The following GAN variants were observed in gnomAD, a reference collection of about 807,000 sequenced individuals.
The protein encoded by GAN is epididymis secretory sperm binding protein.
In GAN, 48 loss-of-function variants were observed where a neutral mutation model predicts 71.3. The ratio of observed to expected loss-of-function variants is 0.67; its 90% CI spans 0.53 to 0.86. The LOEUF is 0.86. Among genes scored for constraint, GAN ranks in the 40% least tolerant of loss-of-function variants. The pLI is 0.00. For missense variants in GAN, 928 were observed against 770.1 expected (o/e 1.21, Z -2.43); for synonymous variants, 386 against 276.8 (o/e 1.39, Z -3.92).
In GAN at chr16:81,357,001, G is replaced by C. The variant is rs1225795869; in HGVS notation, c.850G>C (p.Val284Leu). Residue 284 changes from valine (V) to leucine (L), a missense_variant and splice_region_variant, in exon 4 of 11, where the codon GTT becomes CTT. Physicochemically the swap from Val to Leu is conservative, Grantham distance 32. Transcript: ENST00000648994. Reference protein sequence around the residue: ...CIVTVGGEERVSRKPTAAMRC... With the variant: ...CIVTVGGEERLSRKPTAAMRC... ...CGTGACTGTTGGTGGAGAAGAGAGA[G>C]TGTAAGTATGAGGTGGGACTTGTTT... 1.1e-5 allele frequency: 18 copies of C among 1,580,700 alleles called. No individual in the cohort carries two copies. Among genetic ancestry groups the C allele is most frequent in the Non-Finnish European group, 1.6e-5 (18 of 1,150,800 alleles).
At chr16:81,347,569 G>C (rs543236035) in intron 1 of GAN, among the ~76,000 whole-genome samples, 1 of 151,968 alleles carries the variant, frequency 6.6e-6, no homozygotes, top group African/African-American at 2.4e-5. Context: ...ACACCATCCC[G>C]AGAAAGGTTG....
intron 1 of GAN, among the ~76,000 whole-genome samples, chr16:81,316,964 T>G (rs1909064654): frequency 6.6e-6 from 1 of 152,180 alleles, no homozygotes. Context: ...TTTCAAGCGA[T>G]TCTCCTGCCT....
rs1406451022 is a variant in GAN, at chr16:81,379,888, C to G, written c.*2292C>G. On this transcript the variant is annotated 3_prime_UTR_variant, in exon 11 of 11. Transcript: ENST00000648994. ...TGCAATATTATCAGTACCTGCATGACTTGGTAAATTCATTTTATAAAAATA... is the reference window on the plus strand; with the variant it reads ...TGCAATATTATCAGTACCTGCATGAGTTGGTAAATTCATTTTATAAAAATA... 1.3e-5 allele frequency: 2 copies of G among 151,752 alleles called. No individual in the cohort carries two copies. Among genetic ancestry groups the G allele is most frequent in the Non-Finnish European group, 2.9e-5 (2 of 67,936 alleles). The allele number at this position is 151,752 out of a possible 1,614,324, so 9.4% of individuals were successfully genotyped here.
At chr16:81,320,181 A>T (rs775115654) in intron 1 of GAN, among the ~76,000 whole-genome samples, 1 of 152,224 alleles carries the variant, frequency 6.6e-6, no homozygotes, top group African/African-American at 2.4e-5. Flanking sequence ...GATGATACTG[A>T]TGAAACTACT....
At chr16:81,361,127 A>G (rs1910659397) in intron 5 of GAN, among the ~76,000 whole-genome samples, 3 of 152,202 alleles carry the variant, frequency 2.0e-5, no homozygotes. Context: ...CAGGAGGGCG[A>G]TGCAGGAGAA....
chr16:81,373,857 C>G (rs904619307), intron 9 of GAN, among the ~76,000 whole-genome samples: 26 of 152,206 alleles, frequency 1.7e-4, no homozygotes, highest in African/African-American at 6.0e-4. Flanking sequence ...ATTCTCCTGC[C>G]TCAGCCTCCC....
At chr16:81,355,681 C>G (rs932773554) in intron 3 of GAN, among the ~76,000 whole-genome samples, 2 of 152,116 alleles carry the variant, frequency 1.3e-5, no homozygotes, top group African/African-American at 2.4e-5. Context: ...ATTTTTAAGT[C>G]TGATTATTAT....
At position 81,343,517 on chromosome 16, in the gene GAN, C is replaced by T. The variant is rs571233516; in HGVS notation, c.168-8066C>T. On this transcript the variant is annotated intron_variant, in intron 1 of 10. Transcript: ENST00000648994. ...CATAAGCAGAACCAACGACAAAAAC[C>T]ACATGATTATCTCAACAGATGTAGA... is the stretch of plus-strand genomic sequence containing the variant. Among the ~76,000 whole-genome samples the T allele has an allele frequency of 2.4e-4, 36 of 152,230 alleles. No homozygotes were observed. The South Asian group carries it at 6.4e-3, about 27-fold the overall frequency.
At chr16:81,335,369 A>C (rs868116292) in intron 1 of GAN, among the ~76,000 whole-genome samples, 5 of 152,164 alleles carry the variant, frequency 3.3e-5, no homozygotes, top group African/African-American at 1.2e-4. Flanking sequence ...TAATCCCAGC[A>C]CTTTTTGGAG....
At chr16:81,352,835 C>G (rs1321047786) in intron 2 of GAN, among the ~76,000 whole-genome samples, 1 of 152,142 alleles carries the variant, frequency 6.6e-6, no homozygotes, top group South Asian at 2.1e-4. Context: ...ATAACCAGGG[C>G]TAAGACCAAC....
In GAN at chr16:81,378,154, C is replaced by T. The variant is rs1216328252; in HGVS notation, c.*558C>T. On this transcript the variant is annotated 3_prime_UTR_variant, in exon 11 of 11. Coordinates refer to ENST00000648994, the MANE Select transcript of GAN (RefSeq NM_022041.4). The stretch of plus-strand genomic sequence containing the variant: ...CTCCATTTATTCCTAGTACTCTGTC[C>T]TAAGAATCTTTTTAAAACTATATCA... 1 of 158,542 alleles carries T rather than the reference C, an allele frequency of 6.3e-6. No homozygotes were observed. The allele number at this position is 158,542 out of a possible 1,614,324, so 9.8% of individuals were successfully genotyped here. A position where few individuals can be genotyped will look rare whatever the true frequency, so the allele number is the denominator to read the frequency against.
intron 1 of GAN, among the ~76,000 whole-genome samples, chr16:81,316,805 A>G (rs1160595946): frequency 6.6e-6 from 1 of 152,166 alleles, no homozygotes; most frequent in African/African-American, 2.4e-5. Flanking sequence ...CATATTTTAC[A>G]CATTTACTTT....
intron 4 of GAN, 103 bp downstream of exon 4, chr16:81,357,105 A>G (rs1910515738): frequency 8.4e-6 from 7 of 837,942 alleles, no homozygotes; most frequent in South Asian, 4.2e-5. Context: ...ACATAATTAC[A>G]TTTGATTTTT....
At chr16:81,342,289 G>C (rs1337255754) in intron 1 of GAN, among the ~76,000 whole-genome samples, 1 of 152,170 alleles carries the variant, frequency 6.6e-6, no homozygotes, top group Non-Finnish European at 1.5e-5. Flanking sequence ...AGACCAAATA[G>C]ACATCTACAG....
Position 81,315,062 on chromosome 16 carries a change from C to T in GAN, c.-52C>T. ...CAGGACTCGGGCCGCTCGAGGGGTC[C>T]GGCCGGACGGTGTCGGGAGCCGGAC... is the stretch of plus-strand genomic sequence containing the variant. On this transcript the variant is annotated 5_prime_UTR_variant, in exon 1 of 11. Transcript: ENST00000648994. 7.2e-7 allele frequency: 1 copy of T among 1,392,918 alleles called. No individual in the cohort carries two copies. 86.3% of individuals were successfully genotyped at this position (1,392,918 alleles called of 1,614,324 possible).
chr16:81,345,078 G>A (rs142044510), intron 1 of GAN, among the ~76,000 whole-genome samples: 2,050 of 152,120 alleles, frequency 0.013, 42 homozygotes, highest in East Asian at 0.083. Flanking sequence ...TTAGAACGGC[G>A]ATCATTAAAA....
chr16:81,361,907 A>G (rs772398498), intron 5 of GAN, among the ~76,000 whole-genome samples: 13 of 152,198 alleles, frequency 8.5e-5, no homozygotes, highest in East Asian at 5.8e-4. Flanking sequence ...GTTGCCTCCT[A>G]TGAACCTCCT....
intron 1 of GAN, among the ~76,000 whole-genome samples, chr16:81,351,104 A>G (rs1434633194): frequency 6.6e-6 from 1 of 152,238 alleles, no homozygotes; most frequent in Non-Finnish European, 1.5e-5. Context: ...AAAAGTGAGC[A>G]TAGGATTTGG....
chr16:81,363,739 G>A (rs1910755168), intron 6 of GAN, 55 bp from the exon 7 acceptor site: 1 of 1,554,368 alleles, frequency 6.4e-7, no homozygotes, highest in Admixed American at 1.7e-5. Flanking sequence ...ATGAATATCA[G>A]CTTTCAATAT....
Sources: gnomAD v4.1 joint callset for allele counts (sites outside exome capture counted in the v4.1 genomes callset) on GRCh38, gnomAD v4.1.1 for gene constraint, MANE v1.5 for transcripts, NCBI Gene and HGNC (gene_info 2026-07-23, HGNC 2026-07-21) for gene names.